The following GADL1 variants were observed in gnomAD, a reference collection of about 807,000 sequenced individuals.
GADL1 encodes the protein acidic amino acid decarboxylase GADL1.
A neutral mutation model predicts 69.5 loss-of-function variants in GADL1; 71 were observed. The observed-to-expected ratio is 1.02, with a 90% CI of 0.84 to 1.25. The LOEUF is 1.25. GADL1 is among the 50% of genes most tolerant of loss of function. GADL1 has a pLI of 0.00. For synonymous variants in GADL1, 254 were observed against 214.4 expected, an observed-to-expected ratio of 1.18 and a Z score of -1.62; for missense variants, 737 against 631.8, an observed-to-expected ratio of 1.17 and a Z score of -1.79.
rs1172528098 is a variant in GADL1 at position 30,800,872 on chromosome 3, GAGAGA to G, written c.1250+12_1250+16del. 3.2e-6 allele frequency: 5 copies of G among 1,583,474 alleles called. No individual in the cohort carries two copies. The highest frequency in any genetic ancestry group is 3.4e-4 in the Middle Eastern group (2 of 5,884). ...ACACAGAAAGAGAGAGAGAGAGAGA[GAGAGA>G]GAGGCTAGTACCTAGATAAAGCAAG... On this transcript the variant is annotated intron_variant, in intron 12 of 14. Coordinates refer to ENST00000282538, the MANE Select transcript of GADL1 (RefSeq NM_207359.3).
rs1250817680 is a variant in GADL1 at position 30,844,438 on chromosome 3, G to A, written c.680C>T (p.Ser227Phe). Reference protein sequence around the residue: ...ECHYSMKKAASFLGIGTENVC... With the variant: ...ECHYSMKKAAFFLGIGTENVC... The stretch of plus-strand genomic sequence containing the variant: ...ATTCTCAGTGCCAATCCCAAGAAAA[G>A]AGGCTGCCTTCTTCATAGAGTAATG... Residue 227 changes from serine (S) to phenylalanine (F), a missense_variant, in exon 7 of 15, where the codon TCT becomes TTT. By Grantham distance (155) the Ser-to-Phe change is radical. Transcript: ENST00000282538. The A allele has an allele frequency of 6.2e-7, 1 of 1,613,056 alleles. No homozygotes were observed. Among genetic ancestry groups the A allele is most frequent in the African/African-American group, 1.3e-5 (1 of 74,908 alleles).
At chr3:30,765,361 G>T (rs1020131128) in intron 14 of GADL1, among the ~76,000 whole-genome samples, 11 of 152,140 alleles carry the variant, frequency 7.2e-5, no homozygotes, top group Admixed American at 2.6e-4. Context: ...ACTACAGGTG[G>T]GATAATGGAC....
At chr3:30,777,350 C>A (rs1219742870) in intron 14 of GADL1, among the ~76,000 whole-genome samples, 2 of 152,198 alleles carry the variant, frequency 1.3e-5, no homozygotes, top group African/African-American at 4.8e-5. Flanking sequence ...GACTTGATCC[C>A]ACTCAAGAGG....
At chr3:30,803,313 A>G (rs1167669753) in intron 11 of GADL1, among the ~76,000 whole-genome samples, 1 of 152,186 alleles carries the variant, frequency 6.6e-6, no homozygotes, top group African/African-American at 2.4e-5. Context: ...GGTTGTTTCC[A>G]TAGCAACTAC....
chr3:30,731,462 A>G lies in GADL1; in HGVS notation c.1393-3047T>C, dbSNP rs576741895. ...CTCACATGAGGCAATTATCAAAATG[A>G]ATCTGTCACGTTTGTATTTCTTGTG... On this transcript the variant is annotated intron_variant, in intron 14 of 14. Transcript: ENST00000282538. Among the ~76,000 whole-genome samples the G allele has an allele frequency of 8.8e-4, 134 of 152,344 alleles. 1 individual carries two copies. Among genetic ancestry groups the G allele is most frequent in the African/African-American group, 3.0e-3 (126 of 41,588 alleles).
Position 30,728,323 on chromosome 3 carries a change from C to A in GADL1, c.1485G>T (p.Gln495His). The stretch of plus-strand genomic sequence containing the variant: ...GGCTCACTTGAGGGCTGATCACCAC[C>A]TGGCGGAAGAAGTTGACCTTTCCCC... ...PHRGKVNFFR[Q>H]VVISPQVSRE... is the part of the protein sequence containing the mutation. Residue 495 changes from glutamine (Q) to histidine (H), a missense_variant, in exon 15 of 15, where the codon CAG (glutamine) becomes CAT (histidine). Gln to His is a conservative substitution (Grantham distance 24, BLOSUM62 0). Transcript: ENST00000282538. 1 of 1,613,942 alleles carries A rather than the reference C, an allele frequency of 6.2e-7. No homozygotes were observed. Among genetic ancestry groups the A allele is most frequent in the Non-Finnish European group, 8.5e-7 (1 of 1,179,854 alleles).
intron 14 of GADL1, among the ~76,000 whole-genome samples, chr3:30,735,575 G>A (rs942153370): frequency 1.3e-5 from 2 of 152,176 alleles, no homozygotes; most frequent in African/African-American, 4.8e-5. Flanking sequence ...GTGGCATTCT[G>A]GAAATGGCAA....
intron 14 of GADL1, among the ~76,000 whole-genome samples, chr3:30,754,320 C>T (rs1303050100): frequency 6.6e-6 from 1 of 152,210 alleles, no homozygotes; most frequent in Non-Finnish European, 1.5e-5. Flanking sequence ...ATAATTCTGT[C>T]AAACTGATGA....
intron 14 of GADL1, among the ~76,000 whole-genome samples, chr3:30,777,159 C>CT (rs1696558534): frequency 6.6e-6 from 1 of 152,082 alleles, no homozygotes; most frequent in Non-Finnish European, 1.5e-5. Context: ...ATAGTGGACA[C>CT]TCAGCAAATG....
rs367882280 is a variant in GADL1, at chr3:30,751,961, GAAC to G, written c.1393-23549_1393-23547del. 6.0e-3 allele frequency among the ~76,000 whole-genome samples: 906 copies of G among 151,946 alleles called. 6 individuals carry two copies. The highest frequency in any genetic ancestry group is 0.02 in the African/African-American group (825 of 41,436). On this transcript the variant is annotated intron_variant, in intron 14 of 14. Transcript: ENST00000282538. ...AGGGTAATGAGGCTGAAGATGAAAA[GAAC>G]AACAGCAAAGACTTACTGATGGCTG...
chr3:30,854,313 G>C (rs1698193840), intron 4 of GADL1, among the ~76,000 whole-genome samples: 1 of 152,060 alleles, frequency 6.6e-6, no homozygotes, highest in African/African-American at 2.4e-5. Context: ...ATTAATTTTT[G>C]TGGACCACTT....
intron 12 of GADL1, among the ~76,000 whole-genome samples, chr3:30,789,740 A>G (rs1460939901): frequency 6.6e-6 from 1 of 152,152 alleles, no homozygotes; most frequent in Non-Finnish European, 1.5e-5. Context: ...TTATGTTATG[A>G]GACAGCTTCT....
In GADL1 at chr3:30,859,378, A is replaced by G. The variant is rs368321977; in HGVS notation, c.210+2215T>C. ...CTGGCGCATTCAACAACATGGATGA[A>G]TCTCAAATGCATTTTGTTGAGGGTA... On this transcript the variant is annotated intron_variant, in intron 2 of 14. Coordinates refer to ENST00000282538, the MANE Select transcript of GADL1 (RefSeq NM_207359.3). Among the ~76,000 whole-genome samples, 11 of 152,078 alleles carry G rather than the reference A, an allele frequency of 7.2e-5. No homozygotes were observed. In the East Asian group the frequency reaches 1.6e-3, roughly 22 times the overall value.
At chr3:30,782,230 C>CT (rs1696681016) in intron 13 of GADL1, among the ~76,000 whole-genome samples, 1 of 152,062 alleles carries the variant, frequency 6.6e-6, no homozygotes, top group African/African-American at 2.4e-5. Flanking sequence ...TAGATCTCAT[C>CT]TTTGAAAAGC....
chr3:30,791,637 T>C (rs1177770528), intron 12 of GADL1, among the ~76,000 whole-genome samples: 2 of 152,084 alleles, frequency 1.3e-5, no homozygotes, highest in Admixed American at 6.6e-5. Context: ...TTGCTAACCA[T>C]GTAGATCTGG....
intron 1 of GADL1, among the ~76,000 whole-genome samples, chr3:30,894,063 CG>C (rs1266996816): frequency 6.6e-6 from 1 of 152,190 alleles, no homozygotes. Context: ...CTGCTGCATA[CG>C]ATCTTTAAAC....
intron 1 of GADL1, among the ~76,000 whole-genome samples, chr3:30,878,222 T>G (rs1698602117): frequency 1.3e-5 from 2 of 151,898 alleles, no homozygotes; most frequent in South Asian, 4.1e-4. Flanking sequence ...TAACAATGAT[T>G]CTATGGCTAA....
At chr3:30,863,036 C>T (rs957343742) in intron 1 of GADL1, among the ~76,000 whole-genome samples, 5 of 148,512 alleles carry the variant, frequency 3.4e-5, no homozygotes, top group East Asian at 2.0e-4. Flanking sequence ...TTCACACACA[C>T]ACACACACAC....
chr3:30,857,089 A>G lies in GADL1; in HGVS notation c.263T>C (p.Met88Thr). 6.5e-7 allele frequency: 1 copy of G among 1,549,978 alleles called. No homozygotes were observed. Among genetic ancestry groups the G allele is most frequent in the East Asian group, 2.4e-5 (1 of 40,860 alleles). Residue 88 changes from methionine to threonine, a missense_variant, in exon 3 of 15, where the codon ATG (methionine) becomes ACG (threonine). Physicochemically the swap from Met to Thr is moderately conservative, Grantham distance 81. Transcript: ENST00000282538. ...EQLKQLLDLE[M>T]RDSGEPPHKL... is the part of the protein sequence containing the mutation. Reference sequence around the variant, plus strand: ...ATGGGGTGGCTCGCCTGAGTCTCTCATCTCCAAATCAAGAAGCTGTTTCAG... The same window carrying G: ...ATGGGGTGGCTCGCCTGAGTCTCTCGTCTCCAAATCAAGAAGCTGTTTCAG...
Sources: gnomAD v4.1 joint callset for allele counts (sites outside exome capture counted in the v4.1 genomes callset) on GRCh38, gnomAD v4.1.1 for gene constraint, MANE v1.5 for transcripts, NCBI Gene and HGNC (gene_info 2026-07-23, HGNC 2026-07-21) for gene names.